RYR2: variants seen among roughly 807,000 people sequenced by gnomAD.
RYR2 encodes ryanodine receptor 2.
A neutral mutation model predicts 601.1 loss-of-function variants in RYR2; 227 were observed. That is an observed-to-expected ratio of 0.38 (90% CI 0.34 to 0.42). RYR2 has a LOEUF of 0.42. Among genes scored for constraint, RYR2 ranks in the 10% least tolerant of loss-of-function variants. The pLI is 1.00. For synonymous variants in RYR2, 2,223 were observed against 2,175.1 expected (o/e 1.02, Z -0.61); for missense variants, 4,646 against 6,156.5 (o/e 0.75, Z 8.21).
chr1:237,745,421 C>T (rs1242100244), intron 80 of RYR2, among the ~76,000 whole-genome samples: 1 of 152,046 alleles, frequency 6.6e-6, no homozygotes. Flanking sequence ...GAACTGATTT[C>T]CTAAGTAGCA....
chr1:237,506,333 C>T (rs557946262), intron 22 of RYR2, among the ~76,000 whole-genome samples: 176 of 152,128 alleles, frequency 1.2e-3, no homozygotes, highest in Non-Finnish European at 1.7e-3. Context: ...GTCAGGAGAT[C>T]GAAACCATCC....
Position 237,534,362 on chromosome 1 carries a change from T to C in RYR2, c.2906+3852T>C, listed in dbSNP as rs536589835. On this transcript the variant is annotated intron_variant, in intron 25 of 104. Transcript: ENST00000366574. ...ATTTTCAAAAAGAAATAGACAAATATGCAATCACAGTGATAGACCTAACAC... is the reference window on the plus strand; with the variant it reads ...ATTTTCAAAAAGAAATAGACAAATACGCAATCACAGTGATAGACCTAACAC... Among the ~76,000 whole-genome samples, 6 of 152,084 alleles carry C rather than the reference T, an allele frequency of 3.9e-5. No homozygotes were observed. In the South Asian group the frequency reaches 1.2e-3, roughly 31 times the overall value.
intron 11 of RYR2, among the ~76,000 whole-genome samples, chr1:237,421,432 A>G (rs1444290416): frequency 6.6e-6 from 1 of 152,146 alleles, no homozygotes; most frequent in Admixed American, 6.6e-5. Context: ...ATCTGGTTTT[A>G]TTAGTATACG....
intron 1 of RYR2, among the ~76,000 whole-genome samples, chr1:237,114,507 C>T (rs1050403450): frequency 6.6e-6 from 1 of 152,140 alleles, no homozygotes; most frequent in Non-Finnish European, 1.5e-5. Flanking sequence ...TGAATTCAGA[C>T]ACTTTAGAGC....
At chr1:237,725,019 C>A (rs1690080258) in intron 74 of RYR2, among the ~76,000 whole-genome samples, 1 of 152,076 alleles carries the variant, frequency 6.6e-6, no homozygotes, top group Non-Finnish European at 1.5e-5. Context: ...GCAGCCTTAT[C>A]CCCAGCAGAC....
In RYR2 at chr1:237,492,990, G is replaced by A. The variant is rs376243998; in HGVS notation, c.1864G>A (p.Gly622Arg). 3 of 1,607,300 alleles carry A rather than the reference G, an allele frequency of 1.9e-6. No individual in the cohort carries two copies. The highest frequency in any genetic ancestry group is 2.2e-5 in the East Asian group (1 of 44,802). Reference protein sequence around the residue: ...DVLCSLCVCHGVAVRSNQHLI... With the variant: ...DVLCSLCVCHRVAVRSNQHLI... ...CTTGTGCTCACTCTGTGTTTGCCACGGGGTTGCAGTCCGTTCTAACCAGCA... is the reference window on the plus strand; with the variant it reads ...CTTGTGCTCACTCTGTGTTTGCCACAGGGTTGCAGTCCGTTCTAACCAGCA... Residue 622 changes from glycine (G) to arginine (R), a missense_variant, in exon 19 of 105, where the codon GGG becomes AGG. Physicochemically the swap from Gly to Arg is moderately radical, Grantham distance 125. Coordinates refer to ENST00000366574, the MANE Select transcript of RYR2 (RefSeq NM_001035.3).
intron 92 of RYR2, among the ~76,000 whole-genome samples, chr1:237,790,483 G>A (rs1658241168): frequency 6.6e-6 from 1 of 152,052 alleles, no homozygotes. Flanking sequence ...AGTAGCTGGA[G>A]TGGGCCTTCC....
intron 98 of RYR2, among the ~76,000 whole-genome samples, chr1:237,803,468 T>G (rs1036509510): frequency 6.6e-6 from 1 of 152,028 alleles, no homozygotes; most frequent in Non-Finnish European, 1.5e-5. Context: ...GCCCGGCTAA[T>G]TTTTTGTACT....
At chr1:237,215,315 C>A (rs561056067) in intron 1 of RYR2, among the ~76,000 whole-genome samples, 17 of 152,168 alleles carry the variant, frequency 1.1e-4, no homozygotes, top group Non-Finnish European at 1.8e-4. Context: ...TATGTGGCAA[C>A]GCTCCAGGCA....
intron 1 of RYR2, among the ~76,000 whole-genome samples, chr1:237,118,317 C>T (rs1037757808): frequency 6.6e-6 from 1 of 151,704 alleles, no homozygotes; most frequent in Non-Finnish European, 1.5e-5. Context: ...TTTTCTGTAT[C>T]CCATGTGACA....
chr1:237,227,451 G>A (rs189870662), intron 1 of RYR2, among the ~76,000 whole-genome samples: 77 of 152,266 alleles, frequency 5.1e-4, no homozygotes, highest in Non-Finnish European at 5.9e-5. Context: ...AATAGGAGGA[G>A]GGGTAGATTC....
At position 237,650,848 on chromosome 1, in the gene RYR2, C is replaced by T. The variant is rs146194365; in HGVS notation, c.7734-563C>T. On this transcript the variant is annotated intron_variant, in intron 50 of 104. Coordinates refer to ENST00000366574, the MANE Select transcript of RYR2 (RefSeq NM_001035.3). ...AATCAGAAGAGTAATTCTTTAACTT[C>T]CCTAATCTAAGATTCTGTAAAATTG... Among the ~76,000 whole-genome samples the T allele has an allele frequency of 9.2e-5, 14 of 152,318 alleles. No individual in the cohort carries two copies. The East Asian group carries it at 2.7e-3, about 29-fold the overall frequency.
intron 89 of RYR2, among the ~76,000 whole-genome samples, 157 bp downstream of exon 89, chr1:237,781,803 G>GT (rs202060060): frequency 7.5e-4 from 113 of 151,490 alleles, no homozygotes; most frequent in African/African-American, 2.3e-3. Flanking sequence ...TCTCACATTA[G>GT]TTTTTTTTTA....
intron 63 of RYR2, among the ~76,000 whole-genome samples, chr1:237,697,260 C>T (rs1394779325): frequency 2.7e-5 from 4 of 149,570 alleles, no homozygotes; most frequent in Non-Finnish European, 3.0e-5. Context: ...GCTCAAATGC[C>T]GCCTCCAGGA....
chr1:237,585,168 A>C (rs957466236), intron 29 of RYR2, among the ~76,000 whole-genome samples: 5 of 152,146 alleles, frequency 3.3e-5, no homozygotes, highest in Non-Finnish European at 5.9e-5. Flanking sequence ...GAAACCTAAA[A>C]TGTCTTCTCT....
chr1:237,483,643 C>G (rs1391847176), intron 17 of RYR2, among the ~76,000 whole-genome samples: 1 of 152,174 alleles, frequency 6.6e-6, no homozygotes, highest in Non-Finnish European at 1.5e-5. Flanking sequence ...GATGGTCTGT[C>G]ACATCCCTAA....
chr1:237,787,599 A>AAAC (rs1277025773), intron 91 of RYR2, among the ~76,000 whole-genome samples: 21 of 108,732 alleles, frequency 1.9e-4, no homozygotes, highest in African/African-American at 8.7e-4. Flanking sequence ...CTCAAAAACA[A>AAAC]AAAAAAAAAA....
intron 24 of RYR2, among the ~76,000 whole-genome samples, chr1:237,522,867 G>A (rs2147873341): frequency 6.6e-6 from 1 of 152,162 alleles, no homozygotes; most frequent in East Asian, 1.9e-4. Context: ...ATGCATGTAA[G>A]GCCAAGAACC....
In RYR2 at chr1:237,648,435, C is replaced by T. The variant is rs372778902; in HGVS notation, c.7343-9C>T. The T allele has an allele frequency of 1.9e-4, 308 of 1,591,958 alleles. 1 individual carries two copies. The highest frequency in any genetic ancestry group is 1.2e-4 in the Non-Finnish European group (144 of 1,167,532). Reference sequence around the variant, plus strand: ...GCCATTGACACCAAAATTCACTTCTCTCTTTTAGATGGGAATGTGGTGGAA... The same window carrying T: ...GCCATTGACACCAAAATTCACTTCTTTCTTTTAGATGGGAATGTGGTGGAA... On this transcript the variant is annotated splice_polypyrimidine_tract_variant and intron_variant, in intron 48 of 104. Coordinates refer to ENST00000366574, the MANE Select transcript of RYR2 (RefSeq NM_001035.3).
Sources: gnomAD v4.1 joint callset for allele counts (sites outside exome capture counted in the v4.1 genomes callset) on GRCh38, gnomAD v4.1.1 for gene constraint, MANE v1.5 for transcripts, NCBI Gene and HGNC (gene_info 2026-07-23, HGNC 2026-07-21) for gene names.